Variants in MAP3K5 observed in about 807,000 individuals in gnomAD.
MAP3K5 encodes ASK-1.
In MAP3K5, 56 loss-of-function variants were observed where a neutral mutation model predicts 158.7. The observed-to-expected ratio is 0.35, with a 90% confidence interval of 0.28 to 0.44. The LOEUF is 0.44. MAP3K5 is among the 20% of genes least tolerant of loss of function. The probability of loss-of-function intolerance (pLI) is 1.00; values close to 1 mark genes in which losing one functional copy is unlikely to be tolerated. For synonymous variants in MAP3K5, 579 were observed against 601.7 expected (o/e 0.96, Z 0.55); for missense variants, 1,294 against 1,674.8 (o/e 0.77, Z 3.97).
At chr6:136,600,594 G>A (rs371447670) in intron 21 of MAP3K5, among the ~76,000 whole-genome samples, 2 of 152,192 alleles carry the variant, frequency 1.3e-5, no homozygotes, top group South Asian at 2.1e-4. Flanking sequence ...AAAAGCCAAC[G>A]TTAGAAAACA....
chr6:136,741,621 C>T lies in MAP3K5; in HGVS notation c.449-21032G>A, dbSNP rs137907599. On this transcript the variant is annotated intron_variant, in intron 1 of 29. Coordinates refer to ENST00000359015, the MANE Select transcript of MAP3K5 (RefSeq NM_005923.4). The stretch of plus-strand genomic sequence containing the variant: ...CCCTGTCACCACTCCTTTTCAACAT[C>T]ATACTGGAAATCCCAGCTAATGAAA... Among the ~76,000 whole-genome samples, 34 of 151,594 alleles carry T rather than the reference C, an allele frequency of 2.2e-4. 2 individuals carry two copies. The highest frequency in any genetic ancestry group is 8.0e-4 in the African/African-American group (33 of 41,418).
chr6:136,633,442 T>TA (rs1777472183), intron 14 of MAP3K5, among the ~76,000 whole-genome samples: 3 of 151,066 alleles, frequency 2.0e-5, no homozygotes, highest in Non-Finnish European at 4.4e-5. Context: ...TATATATATA[T>TA]TCTTTTCAAC....
chr6:136,641,221 A>C (rs1777916280), intron 12 of MAP3K5, among the ~76,000 whole-genome samples: 1 of 152,310 alleles, frequency 6.6e-6, no homozygotes, highest in South Asian at 2.1e-4. Context: ...GTTTCTGTTC[A>C]GATCATTCAT....
At chr6:136,616,154 T>C (rs1290433027) in intron 15 of MAP3K5, among the ~76,000 whole-genome samples, 2 of 152,138 alleles carry the variant, frequency 1.3e-5, no homozygotes, top group African/African-American at 4.8e-5. Flanking sequence ...ATTTTGATAA[T>C]TGCTTGAGTG....
chr6:136,742,632 G>T (rs1209342235), intron 1 of MAP3K5, among the ~76,000 whole-genome samples: 1 of 151,794 alleles, frequency 6.6e-6, no homozygotes, highest in Non-Finnish European at 1.5e-5. Context: ...CATAATAAAA[G>T]AATTATAAGC....
Position 136,720,411 on chromosome 6 carries a change from T to C in MAP3K5, c.588+39A>G, listed in dbSNP as rs375508213. The C allele has an allele frequency of 3.6e-5, 55 of 1,524,304 alleles. No individual in the cohort carries two copies. In the African/African-American group the frequency reaches 6.4e-4, roughly 18 times the overall value. 94.4% of individuals were successfully genotyped at this position (1,524,304 alleles called of 1,614,324 possible). ...TGACAAACCGGTATCCCTGAAATGC[T>C]GATGTTAAAATGAAACATTCAGTAA... On this transcript the variant is annotated intron_variant, in intron 2 of 29. Transcript: ENST00000359015.
chr6:136,688,422 TA>T (rs201421835), intron 7 of MAP3K5, among the ~76,000 whole-genome samples: 3 of 150,202 alleles, frequency 2.0e-5, no homozygotes, highest in African/African-American at 4.9e-5. Context: ...AAGTATAATT[TA>T]AAAAAAAAAT....
chr6:136,783,540 T>C (rs556037571), intron 1 of MAP3K5, among the ~76,000 whole-genome samples: 2 of 152,316 alleles, frequency 1.3e-5, no homozygotes, highest in Non-Finnish European at 2.9e-5. Flanking sequence ...TTTCTTCTGA[T>C]AACCACATAG....
At chr6:136,705,197 A>T in intron 2 of MAP3K5, 64 bp from the exon 3 acceptor site, 1 of 767,360 alleles carries the variant, frequency 1.3e-6, no homozygotes, top group Non-Finnish European at 2.1e-6. Context: ...AACAACATTT[A>T]TTGAACTATG....
intron 2 of MAP3K5, among the ~76,000 whole-genome samples, chr6:136,713,640 T>C (rs1781404799): frequency 6.6e-6 from 1 of 152,226 alleles, no homozygotes; most frequent in African/African-American, 2.4e-5. Flanking sequence ...ACCTCTTTCC[T>C]TCCCCAATTT....
At chr6:136,585,942 A>C (rs1775120710) in intron 23 of MAP3K5, among the ~76,000 whole-genome samples, 1 of 152,212 alleles carries the variant, frequency 6.6e-6, no homozygotes, top group Non-Finnish European at 1.5e-5. Flanking sequence ...CTGTACCATT[A>C]AAATTAAAAT....
intron 2 of MAP3K5, among the ~76,000 whole-genome samples, chr6:136,711,391 G>A (rs999238944): frequency 6.6e-6 from 1 of 152,090 alleles, no homozygotes; most frequent in Non-Finnish European, 1.5e-5. Context: ...CTGGCCAGGA[G>A]CGTTGGCTCA....
chr6:136,781,983 G>A (rs1299952834), intron 1 of MAP3K5, among the ~76,000 whole-genome samples: 9 of 151,672 alleles, frequency 5.9e-5, no homozygotes, highest in South Asian at 2.1e-4. Context: ...TGGGAGGCAG[G>A]GGCAGGTGAA....
At chr6:136,677,132 A>ATTTTTT (rs1214152994) in intron 7 of MAP3K5, among the ~76,000 whole-genome samples, 3 of 93,396 alleles carry the variant, frequency 3.2e-5, no homozygotes, top group African/African-American at 5.1e-5. Flanking sequence ...GATGATATCC[A>ATTTTTT]TTTTTTTTTT....
intron 2 of MAP3K5, among the ~76,000 whole-genome samples, chr6:136,719,207 T>C (rs1030037025): frequency 1.3e-5 from 2 of 152,028 alleles, no homozygotes; most frequent in Admixed American, 1.3e-4. Flanking sequence ...ATACATAAAC[T>C]TAACCCAAAG....
At chr6:136,637,453 A>G (rs778414498) in intron 13 of MAP3K5, 47 bp from the exon 14 acceptor site, 1 of 1,078,072 alleles carries the variant, frequency 9.3e-7, no homozygotes, top group South Asian at 1.2e-5. Context: ...AAACAATAGT[A>G]AATATAAGCA....
intron 23 of MAP3K5, among the ~76,000 whole-genome samples, chr6:136,587,455 T>C (rs1775188000): frequency 6.6e-6 from 1 of 152,224 alleles, no homozygotes; most frequent in Non-Finnish European, 1.5e-5. Context: ...GACTCCTCTA[T>C]CATAGATGAG....
chr6:136,565,279 T>C (rs1226340135), intron 26 of MAP3K5, among the ~76,000 whole-genome samples: 2 of 152,266 alleles, frequency 1.3e-5, no homozygotes, highest in Non-Finnish European at 2.9e-5. Context: ...TCAAGGCAAC[T>C]GTCTGCCTTT....
chr6:136,583,787 A>C (rs759464522), intron 23 of MAP3K5, 47 bp from the exon 24 acceptor site: 1 of 1,544,866 alleles, frequency 6.5e-7, no homozygotes. Context: ...TGCTGGATAT[A>C]CCTGCCATGG....
Sources: allele counts gnomAD v4.1 joint callset (sites outside exome capture counted in the v4.1 genomes callset), GRCh38; gene constraint gnomAD v4.1.1; transcripts MANE v1.5; gene names NCBI Gene and HGNC (gene_info 2026-07-23, HGNC 2026-07-21).